Variants in KDM5B observed in about 807,000 individuals in gnomAD.
The protein encoded by KDM5B is lysine demethylase 5B, also known as lysine-specific demethylase 5B.
A neutral mutation model predicts 193.4 loss-of-function variants in KDM5B; 144 were observed. The ratio of observed to expected loss-of-function variants is 0.74; its 90% confidence interval spans 0.65 to 0.86. The LOEUF is 0.86. KDM5B is among the 40% of genes least tolerant of loss of function. KDM5B has a pLI of 0.00. For missense variants in KDM5B, 1,833 were observed against 1,886.9 expected, an observed-to-expected ratio of 0.97 and a Z score of 0.53; for synonymous variants, 668 against 682.6, an observed-to-expected ratio of 0.98 and a Z score of 0.33.
intron 18 of KDM5B, 97 bp downstream of exon 18, chr1:202,742,294 T>C: frequency 1.3e-6 from 1 of 799,560 alleles, no homozygotes; most frequent in Admixed American, 2.2e-5. Context: ...AATGTACATA[T>C]TAATCATCAA....
At chr1:202,767,489 A>AC in intron 4 of KDM5B, 1 of 891,372 alleles carries the variant, frequency 1.1e-6, no homozygotes, top group South Asian at 1.4e-5. Flanking sequence ...CCTCACCAAG[A>AC]CCTTTTTTTC....
At chr1:202,770,635 T>C (rs190905560) in intron 4 of KDM5B, among the ~76,000 whole-genome samples, 4 of 152,230 alleles carry the variant, frequency 2.6e-5, no homozygotes, top group African/African-American at 7.2e-5. Context: ...TCATTAGAAA[T>C]TGCATTTTCA....
intron 1 of KDM5B, among the ~76,000 whole-genome samples, chr1:202,778,985 A>G (rs1183375456): frequency 2.0e-5 from 3 of 152,168 alleles, no homozygotes; most frequent in Admixed American, 2.0e-4. Flanking sequence ...GGGGGGCGGA[A>G]CAGGCTTTAC....
rs1328156747 is a variant in KDM5B, at chr1:202,808,319, G to C, written c.-14C>G. The C allele has an allele frequency of 3.2e-6, 5 of 1,570,304 alleles. No homozygotes were observed. On this transcript the variant is annotated 5_prime_UTR_variant, in exon 1 of 27. Coordinates refer to ENST00000367265, the MANE Select transcript of KDM5B (RefSeq NM_006618.5). ...GGCCGCCTCCATCACCGCAGGCTGGGCAAGGGCGAGGCGAAGGTGGGCTCC... is the reference window on the plus strand; with the variant it reads ...GGCCGCCTCCATCACCGCAGGCTGGCCAAGGGCGAGGCGAAGGTGGGCTCC...
chr1:202,764,486 G>A (rs1656368667), intron 5 of KDM5B, among the ~76,000 whole-genome samples: 1 of 151,880 alleles, frequency 6.6e-6, no homozygotes, highest in African/African-American at 2.4e-5. Context: ...ATTACAAAAA[G>A]TAGCCGGGCA....
At chr1:202,801,254 A>G (rs1658061286) in intron 1 of KDM5B, among the ~76,000 whole-genome samples, 2 of 110,128 alleles carry the variant, frequency 1.8e-5, no homozygotes, top group African/African-American at 5.5e-5. Context: ...ATCCGAAAGA[A>G]AGCTTAAATG....
intron 12 of KDM5B, among the ~76,000 whole-genome samples, chr1:202,752,004 G>C (rs1249119941): frequency 6.6e-6 from 1 of 152,214 alleles, no homozygotes; most frequent in Non-Finnish European, 1.5e-5. Context: ...TGCCTCAAAT[G>C]AAAGTCCTTT....
chr1:202,749,017 A>T lies in KDM5B; in HGVS notation c.1944T>A (p.Ala648=). 6.2e-7 allele frequency: 1 copy of T among 1,614,156 alleles called. No homozygotes were observed. Among genetic ancestry groups the T allele is most frequent in the Non-Finnish European group, 8.5e-7 (1 of 1,180,020 alleles). Reference sequence around the variant, plus strand: ...TGGCCATGTCTTTCTGAACAGTTGAAGCCACTACAACATCTAATACATCAG... The same window carrying T: ...TGGCCATGTCTTTCTGAACAGTTGATGCCACTACAACATCTAATACATCAG... ...SKADVLDVVV[A]STVQKDMAIM... Residue 648 remains alanine, a synonymous_variant, in exon 14 of 27, where the codon GCT becomes GCA. Coordinates refer to ENST00000367265, the MANE Select transcript of KDM5B (RefSeq NM_006618.5).
intron 23 of KDM5B, 103 bp from the exon 24 acceptor site, chr1:202,732,042 G>GT: frequency 7.9e-6 from 3 of 379,024 alleles, no homozygotes; most frequent in Non-Finnish European, 9.4e-6. Context: ...GCAACCAGGG[G>GT]AAAAAAAAAA....
chr1:202,777,121 G>GA, intron 1 of KDM5B, 27 bp from the exon 2 acceptor site: 1 of 1,555,348 alleles, frequency 6.4e-7, no homozygotes, highest in East Asian at 2.2e-5. Flanking sequence ...GCTCTTATTA[G>GA]AATAACTTAT....
chr1:202,760,205 G>A (rs1414200332), intron 8 of KDM5B, among the ~76,000 whole-genome samples: 11 of 56,356 alleles, frequency 2.0e-4, no homozygotes, highest in East Asian at 6.1e-4. Flanking sequence ...TCCCAGCTAC[G>A]TGGGGGGGGC....
intron 1 of KDM5B, chr1:202,796,291 C>T (rs1165852262): frequency 1.4e-5 from 6 of 415,936 alleles, no homozygotes; most frequent in East Asian, 7.5e-5. Flanking sequence ...AAATGGTCCC[C>T]GCTGTGCCAC....
At chr1:202,769,031 T>G (rs1348861737) in intron 4 of KDM5B, among the ~76,000 whole-genome samples, 1 of 144,304 alleles carries the variant, frequency 6.9e-6, no homozygotes, top group Non-Finnish European at 1.5e-5. Flanking sequence ...TATTATATTC[T>G]TTTTTTTTCT....
At position 202,742,373 on chromosome 1, in the gene KDM5B, A is replaced by T; in HGVS notation, c.2589+18T>A. The stretch of plus-strand genomic sequence containing the variant: ...CAGGATTACCAAAGTATTCTCCCAC[A>T]CATCCCTCTATGGTTACCTTTAGTA... On this transcript the variant is annotated intron_variant, in intron 18 of 26. Transcript: ENST00000367265. The T allele has an allele frequency of 3.9e-6, 6 of 1,538,500 alleles. No individual in the cohort carries two copies. The highest frequency in any genetic ancestry group is 5.4e-6 in the Non-Finnish European group (6 of 1,111,340).
At chr1:202,758,970 G>A (rs1022705415) in intron 8 of KDM5B, 2 of 153,466 alleles carry the variant, frequency 1.3e-5, no homozygotes, top group African/African-American at 4.8e-5. Flanking sequence ...GAGTTAACAG[G>A]GGCAGTATAA....
intron 1 of KDM5B, chr1:202,797,090 T>G (rs1657880676): frequency 6.6e-6 from 1 of 152,300 alleles, no homozygotes; most frequent in Non-Finnish European, 1.5e-5. Context: ...GACCAGCATC[T>G]GGGCCATTCA....
chr1:202,774,045 G>A (rs925812073), intron 3 of KDM5B, among the ~76,000 whole-genome samples: 2 of 151,914 alleles, frequency 1.3e-5, no homozygotes, highest in Admixed American at 1.3e-4. Context: ...CCATGGCTCA[G>A]CATTTTTTTA....
At chr1:202,772,310 A>T (rs1656752800) in intron 4 of KDM5B, among the ~76,000 whole-genome samples, 1 of 152,208 alleles carries the variant, frequency 6.6e-6, no homozygotes, top group Non-Finnish European at 1.5e-5. Flanking sequence ...TAAGTGAATA[A>T]TTTCACAAAT....
At chr1:202,799,863 T>G (rs1658003995) in intron 1 of KDM5B, among the ~76,000 whole-genome samples, 1 of 152,140 alleles carries the variant, frequency 6.6e-6, no homozygotes, top group Non-Finnish European at 1.5e-5. Flanking sequence ...GCATCTCCTA[T>G]CTCAGAAATG....
Sources: allele counts gnomAD v4.1 joint callset (sites outside exome capture counted in the v4.1 genomes callset), GRCh38; gene constraint gnomAD v4.1.1; transcripts MANE v1.5; gene names NCBI Gene and HGNC (gene_info 2026-07-23, HGNC 2026-07-21).